Variants in MMP12 observed in about 807,000 individuals in gnomAD.
The protein encoded by MMP12 is matrix metallopeptidase 12.
A neutral mutation model predicts 45.2 loss-of-function variants in MMP12; 51 were observed. The observed-to-expected ratio is 1.13, with a 90% CI of 0.90 to 1.42. The LOEUF is 1.42. Ranked by LOEUF, MMP12 falls within the 40% of genes most tolerant of loss-of-function variation. The pLI is 0.00. For synonymous variants in MMP12, 210 were observed against 193.3 expected, an observed-to-expected ratio of 1.09 and a Z score of -0.72; for missense variants, 530 against 570.8, an observed-to-expected ratio of 0.93 and a Z score of 0.73.
At position 102,863,148 on chromosome 11, in the gene MMP12, G is replaced by T. The variant is rs1859322484; in HGVS notation, c.1365C>A (p.Leu455=). Residue 455 remains leucine, a synonymous_variant, in exon 10 of 10, where the codon CTC becomes CTA. Transcript: ENST00000571244. The part of the protein sequence containing the change: ...GSNQFEYDFL[L]QRITKTLKSN... ...TTTTCAGTGTTTTGGTGATACGTTG[G>T]AGTAGGAAGTCATATTCAAATTGGT... 1 of 1,611,814 alleles carries T rather than the reference G, an allele frequency of 6.2e-7. No individual in the cohort carries two copies. The highest frequency in any genetic ancestry group is 8.5e-7 in the Non-Finnish European group (1 of 1,178,948).
chr11:102,870,666 C>T (rs1320267156), intron 4 of MMP12, among the ~76,000 whole-genome samples: 4 of 152,142 alleles, frequency 2.6e-5, no homozygotes, highest in Admixed American at 2.6e-4. Context: ...GTTTAATTAA[C>T]CCCATGTCAA....
chr11:102,872,041 A>G, intron 2 of MMP12, 89 bp from the exon 3 acceptor site: 1 of 1,311,482 alleles, frequency 7.6e-7, no homozygotes, highest in Non-Finnish European at 1.0e-6. Flanking sequence ...GCACAATTGG[A>G]AAATGGATCA....
intron 4 of MMP12, 54 bp from the exon 5 acceptor site, chr11:102,868,123 A>G: frequency 7.2e-7 from 1 of 1,390,796 alleles, no homozygotes; most frequent in Non-Finnish European, 1.0e-6. Flanking sequence ...ATCTTGGACA[A>G]GAACACAATA....
intron 4 of MMP12, among the ~76,000 whole-genome samples, chr11:102,870,903 C>T (rs1859481032): frequency 6.6e-6 from 1 of 152,174 alleles, no homozygotes; most frequent in Admixed American, 6.5e-5. Flanking sequence ...AGATGACCAT[C>T]TTATCCTCTA....
In MMP12 at chr11:102,873,091, C is replaced by T; in HGVS notation, c.124G>A (p.Gly42Ser). The T allele has an allele frequency of 1.2e-6, 2 of 1,611,574 alleles. No homozygotes were observed. The highest frequency in any genetic ancestry group is 1.1e-5 in the South Asian group (1 of 90,618). Residue 42 changes from glycine (G) to serine (S), a missense_variant, in exon 2 of 10, where the codon GGC becomes AGC. Transcript: ENST00000571244. ...FGERYLEKFY[G>S]LEINKLPVTK... The stretch of plus-strand genomic sequence containing the variant: ...ACTGGAAGTTTGTTTATCTCAAGGC[C>T]ATAAAATTTTTCTAAGTATCTCTGG...
At chr11:102,873,357 C>T (rs608194) in intron 1 of MMP12, among the ~76,000 whole-genome samples, 35,839 of 151,996 alleles carry the variant, frequency 0.24, 4,788 homozygotes, top group African/African-American at 0.37. Flanking sequence ...CCCAGCATTT[C>T]GGGAGGCTGA....
chr11:102,871,080 A>G (rs1859484694), intron 4 of MMP12, among the ~76,000 whole-genome samples: 2 of 152,126 alleles, frequency 1.3e-5, no homozygotes, highest in African/African-American at 4.8e-5. Context: ...AAAATTAAAA[A>G]ATTAGCCGGG....
In MMP12 at chr11:102,868,006, C is replaced by T; in HGVS notation, c.689G>A (p.Ser230Asn). The change falls in exon 5 of 10, where the codon AGT becomes AAT. Residue 230 changes from serine to asparagine, a missense_variant. Coordinates refer to ENST00000571244, the MANE Select transcript of MMP12 (RefSeq NM_002426.6). ...GGGGAACATTACGGCCTTTGGATCA[C>T]TAGAATGGCCAAGACCTAAGGAATG... ...IGHSLGLGHS[S>N]DPKAVMFPTY... The T allele has an allele frequency of 6.2e-7, 1 of 1,605,832 alleles. No homozygotes were observed. Among genetic ancestry groups the T allele is most frequent in the Non-Finnish European group, 8.5e-7 (1 of 1,176,198 alleles).
At chr11:102,870,806 CT>C (rs781962584) in intron 4 of MMP12, among the ~76,000 whole-genome samples, 3 of 152,196 alleles carry the variant, frequency 2.0e-5, no homozygotes, top group Non-Finnish European at 4.4e-5. Context: ...TCTTGTGTTT[CT>C]CTATAGGGAT....
rs28381678 is a variant in MMP12 at position 102,868,950 on chromosome 11, T to A, written c.626-881A>T. 1.5e-3 allele frequency among the ~76,000 whole-genome samples: 225 copies of A among 152,326 alleles called. 1 individual carries two copies. Among genetic ancestry groups the A allele is most frequent in the South Asian group, 8.3e-3 (40 of 4,820 alleles). On this transcript the variant is annotated intron_variant, in intron 4 of 9. Transcript: ENST00000571244. ...ATTCAGACTTCACCATTTTTATCTA[T>A]GATTAAAATAGTCTGGCTTTATATC...
chr11:102,866,230 A>G, intron 7 of MMP12, 85 bp downstream of exon 7: 1 of 1,317,644 alleles, frequency 7.6e-7, no homozygotes, highest in East Asian at 2.5e-5. Flanking sequence ...TTCTTGGTCT[A>G]TATCTATTAA....
At position 102,874,739 on chromosome 11, in the gene MMP12, GCAAACAAACAAACAAA is replaced by G. The variant is rs28360358; in HGVS notation, c.102+81_102+96del. 6.3e-6 allele frequency: 5 copies of G among 795,876 alleles called. No individual in the cohort carries two copies. The South Asian group carries it at 9.2e-5, about 15-fold the overall frequency. 49.3% of individuals were successfully genotyped at this position (795,876 alleles called of 1,614,324 possible). On this transcript the variant is annotated intron_variant, in intron 1 of 9. Coordinates refer to ENST00000571244, the MANE Select transcript of MMP12 (RefSeq NM_002426.6). ...ACCAATTTTCAGCTGATACGTAAAA[GCAAACAAACAAACAAA>G]CAAACAAACAAACTGGTTAATGCAA...
Position 102,874,834 on chromosome 11 carries a change from A to G in MMP12, c.102+2T>C. 6.4e-7 allele frequency: 1 copy of G among 1,574,682 alleles called. No homozygotes were observed. The highest frequency in any genetic ancestry group is 8.7e-7 in the Non-Finnish European group (1 of 1,151,502). On this transcript the variant is annotated splice_donor_variant, in intron 1 of 9. Coordinates refer to ENST00000571244, the MANE Select transcript of MMP12 (RefSeq NM_002426.6). LOFTEE classifies it high-confidence loss of function. ...GATAAATACTGTAGTGTCCATACTT[A>G]CTTCACCAAATAGCACATTATTTTT...
chr11:102,873,017 T>A lies in MMP12; in HGVS notation c.198A>T (p.Glu66Asp). ...SGNLMKEKIQ[E>D]MQHFLGLKVT... is the part of the protein sequence containing the mutation. ...CTTTCAGACCCAAGAAGTGCTGCAT[T>A]TCTTGGATTTTTTCCTTCATTAAGT... The change falls in exon 2 of 10, where the codon GAA becomes GAT. Residue 66 changes from glutamate to aspartate, a missense_variant. By Grantham distance (45) the Glu-to-Asp change is conservative. Transcript: ENST00000571244. 1 of 1,613,384 alleles carries A rather than the reference T, an allele frequency of 6.2e-7. No homozygotes were observed.
At position 102,867,358 on chromosome 11, in the gene MMP12, C is replaced by T. The variant is rs550871023; in HGVS notation, c.823G>A (p.Asp275Asn). Residue 275 changes from aspartate to asparagine, a missense_variant, in exon 6 of 10, where the codon GAC (aspartate) becomes AAC (asparagine). Transcript: ENST00000571244. The part of the protein sequence containing the change: ...PKENQRLPNP[D>N]NSEPALCDPN... ...TCACAGAGAGCTGGTTCTGAATTGT[C>T]AGGATTTGGCAAGCGTTGGTTCTCT... is the stretch of plus-strand genomic sequence containing the variant. The T allele has an allele frequency of 7.4e-6, 12 of 1,611,350 alleles. No individual in the cohort carries two copies. In the African/African-American group the frequency reaches 9.3e-5, roughly 13 times the overall value.
chr11:102,871,260 C>G (rs1313344172), intron 4 of MMP12, among the ~76,000 whole-genome samples: 1 of 152,052 alleles, frequency 6.6e-6, no homozygotes, highest in African/African-American at 2.4e-5. Context: ...TAATTAACAG[C>G]TTTTACCTTT....
chr11:102,864,626 A>G lies in MMP12; in HGVS notation c.1206-374T>C, dbSNP rs1414071628. Among the ~76,000 whole-genome samples, 4 of 152,328 alleles carry G rather than the reference A, an allele frequency of 2.6e-5. No individual in the cohort carries two copies. The East Asian group carries it at 7.7e-4, about 29-fold the overall frequency. ...GAGACAAAAATACCCATTTCCCCCA[A>G]GAAGATAATAAACAGGTCAAGGGGC... On this transcript the variant is annotated intron_variant, in intron 8 of 9. Transcript: ENST00000571244.
chr11:102,864,303 A>G, intron 8 of MMP12, 51 bp from the exon 9 acceptor site: 2 of 1,244,312 alleles, frequency 1.6e-6, no homozygotes, highest in South Asian at 2.5e-5. Context: ...GGCTTTCCTG[A>G]CATGCACCAC....
intron 4 of MMP12, among the ~76,000 whole-genome samples, chr11:102,869,271 G>A (rs1164538079): frequency 6.6e-6 from 1 of 151,732 alleles, no homozygotes; most frequent in Non-Finnish European, 1.5e-5. Flanking sequence ...AGTGCAAAGA[G>A]TCTACACCTC....
Sources: allele counts gnomAD v4.1 joint callset (sites outside exome capture counted in the v4.1 genomes callset), GRCh38; gene constraint gnomAD v4.1.1; transcripts MANE v1.5; gene names NCBI Gene and HGNC (gene_info 2026-07-23, HGNC 2026-07-21).